AGBL4: variants seen among roughly 807,000 people sequenced by gnomAD.
AGBL4 encodes the protein AGBL carboxypeptidase 4, also known as cytosolic carboxypeptidase 6.
Under a neutral mutation model 66.4 loss-of-function variants are expected in AGBL4, and 58 were observed. The ratio of observed to expected loss-of-function variants is 0.87; its 90% CI spans 0.71 to 1.09. The LOEUF is 1.09. Ranked by LOEUF, AGBL4 falls within the 50% of genes least tolerant of loss-of-function variation. AGBL4 has a pLI of 0.00. For synonymous variants in AGBL4, 234 were observed against 222.9 expected (o/e 1.05, Z -0.44); for missense variants, 579 against 631.0 (o/e 0.92, Z 0.88).
chr1:49,009,132 A>C (rs1662143116), intron 5 of AGBL4, among the ~76,000 whole-genome samples: 1 of 152,042 alleles, frequency 6.6e-6, no homozygotes, highest in Non-Finnish European at 1.5e-5. Flanking sequence ...GACTGCTAGC[A>C]AGACTAATAA....
At chr1:49,376,537 G>A (rs1479238020) in intron 3 of AGBL4, among the ~76,000 whole-genome samples, 1 of 152,056 alleles carries the variant, frequency 6.6e-6, no homozygotes, top group Non-Finnish European at 1.5e-5. Flanking sequence ...GGTGGAAACA[G>A]CTTTTACTAT....
At chr1:49,468,844 AT>A (rs1282508124) in intron 3 of AGBL4, among the ~76,000 whole-genome samples, 7 of 151,870 alleles carry the variant, frequency 4.6e-5, no homozygotes, top group Non-Finnish European at 8.8e-5. Flanking sequence ...GTATATAAAA[AT>A]GTTGAAATTT....
chr1:49,040,950 A>G (rs1643925063), intron 5 of AGBL4, among the ~76,000 whole-genome samples: 1 of 152,142 alleles, frequency 6.6e-6, no homozygotes, highest in African/African-American at 2.4e-5. Context: ...TAAAGCTATT[A>G]AAACAATAGT....
At chr1:49,054,017 T>C (rs1156555479) in intron 4 of AGBL4, among the ~76,000 whole-genome samples, 4 of 152,134 alleles carry the variant, frequency 2.6e-5, no homozygotes, top group South Asian at 4.1e-4. Context: ...AGAAATATGA[T>C]TGAAATTATT....
In AGBL4 at chr1:49,423,852, G is replaced by C. The variant is rs377452374; in HGVS notation, c.283-177988C>G. ...AAAAATTAGGGCAACTAACGTAAATGGTTTCCAAGACAATTCAGCATTAAG... is the reference window on the plus strand; with the variant it reads ...AAAAATTAGGGCAACTAACGTAAATCGTTTCCAAGACAATTCAGCATTAAG... On this transcript the variant is annotated intron_variant, in intron 3 of 13. Transcript: ENST00000371839. Among the ~76,000 whole-genome samples the C allele has an allele frequency of 3.3e-4, 50 of 150,960 alleles. 1 individual carries two copies. The South Asian group carries it at 9.5e-3, about 29-fold the overall frequency.
intron 4 of AGBL4, among the ~76,000 whole-genome samples, chr1:49,127,963 G>A (rs1300841150): frequency 1.3e-5 from 2 of 152,032 alleles, no homozygotes; most frequent in South Asian, 2.1e-4. Context: ...AAGAAGTAGG[G>A]AAATGTCAGC....
At chr1:49,880,524 T>A (rs1417159694) in intron 1 of AGBL4, among the ~76,000 whole-genome samples, 1 of 152,054 alleles carries the variant, frequency 6.6e-6, no homozygotes, top group African/African-American at 2.4e-5. Context: ...CATTCTCAGA[T>A]CTCCAGCTGC....
intron 6 of AGBL4, among the ~76,000 whole-genome samples, chr1:48,820,420 G>C (rs1019141990): frequency 2.0e-5 from 3 of 152,068 alleles, no homozygotes; most frequent in Non-Finnish European, 4.4e-5. Context: ...GGGCATTTTT[G>C]GATGAGTTTA....
intron 2 of AGBL4, among the ~76,000 whole-genome samples, chr1:49,742,577 A>C (rs1331434285): frequency 6.6e-6 from 1 of 152,078 alleles, no homozygotes; most frequent in South Asian, 2.1e-4. Context: ...GAACCAAAAA[A>C]GAGCCCGCAT....
At chr1:49,270,712 T>G (rs1004607151) in intron 3 of AGBL4, among the ~76,000 whole-genome samples, 1 of 152,146 alleles carries the variant, frequency 6.6e-6, no homozygotes, top group Non-Finnish European at 1.5e-5. Context: ...GAAAATTACA[T>G]CCTGGGCTTT....
chr1:49,526,809 GT>G, intron 3 of AGBL4, among the ~76,000 whole-genome samples: 1 of 152,218 alleles, frequency 6.6e-6, no homozygotes, highest in South Asian at 2.1e-4. Context: ...TTTATTCTGT[GT>G]TTGACATTGT....
intron 4 of AGBL4, among the ~76,000 whole-genome samples, chr1:49,098,868 T>G (rs1351075541): frequency 6.6e-6 from 1 of 152,238 alleles, no homozygotes; most frequent in African/African-American, 2.4e-5. Context: ...CCTATTTTGA[T>G]ACATGGCAAT....
chr1:49,929,892 T>C (rs1179227136), intron 1 of AGBL4, among the ~76,000 whole-genome samples: 2 of 152,122 alleles, frequency 1.3e-5, no homozygotes, highest in African/African-American at 4.8e-5. Context: ...CCATATGCTA[T>C]ACATGAAGTG....
chr1:48,770,335 C>G (rs1644750533), intron 6 of AGBL4, among the ~76,000 whole-genome samples: 2 of 152,166 alleles, frequency 1.3e-5, no homozygotes, highest in Admixed American at 1.3e-4. Flanking sequence ...CCCAAACAAG[C>G]CTAGTTCTAG....
intron 6 of AGBL4, chr1:48,742,779 G>A: frequency 6.4e-7 from 1 of 1,553,552 alleles, no homozygotes; most frequent in Admixed American, 1.9e-5. Flanking sequence ...GACCTAGGCA[G>A]TTAAGAAAAG....
At chr1:49,521,092 A>G (rs1650225359) in intron 3 of AGBL4, among the ~76,000 whole-genome samples, 1 of 152,052 alleles carries the variant, frequency 6.6e-6, no homozygotes, top group African/African-American at 2.4e-5. Flanking sequence ...TACAGGCATG[A>G]GCCACTATGC....
intron 6 of AGBL4, chr1:48,761,446 CT>C (rs1356522477): frequency 6.4e-7 from 1 of 1,551,234 alleles, no homozygotes; most frequent in Non-Finnish European, 8.7e-7. Context: ...CTGCATCACA[CT>C]GTTTTCAAGG....
intron 12 of AGBL4, among the ~76,000 whole-genome samples, chr1:48,538,049 T>G (rs1644002520): frequency 6.6e-6 from 1 of 152,170 alleles, no homozygotes; most frequent in Admixed American, 6.5e-5. Flanking sequence ...GAAATAGACG[T>G]GATTCTCCTG....
intron 3 of AGBL4, among the ~76,000 whole-genome samples, chr1:49,329,408 G>A (rs780253504): frequency 7.2e-5 from 11 of 152,110 alleles, no homozygotes; most frequent in Non-Finnish European, 8.8e-5. Context: ...GTTCATGCCC[G>A]TAATCCCAGC....
Sources: gnomAD v4.1 joint callset for allele counts (sites outside exome capture counted in the v4.1 genomes callset) on GRCh38, gnomAD v4.1.1 for gene constraint, MANE v1.5 for transcripts, NCBI Gene and HGNC (gene_info 2026-07-23, HGNC 2026-07-21) for gene names.